The following ZNF654 variants were observed in gnomAD, a reference collection of about 807,000 sequenced individuals.
The protein encoded by ZNF654 is zinc finger protein 654, also known as melanoma-associated antigen.
ZNF654 carries 19 observed loss-of-function variants against 95.3 expected under a neutral mutation model. The ratio of observed to expected loss-of-function variants is 0.20; its 90% CI spans 0.14 to 0.29. The LOEUF (loss-of-function observed/expected upper bound fraction) is 0.29, where lower values mean the gene tolerates loss of function less well. Ranked by LOEUF, ZNF654 falls within the 10% of genes least tolerant of loss-of-function variation. ZNF654 has a pLI of 1.00. For missense variants in ZNF654, 1,046 were observed against 1,341.0 expected (o/e 0.78, Z 3.44); for synonymous variants, 413 against 457.9 (o/e 0.90, Z 1.25).
chr3:88,114,063 C>G (rs2107770787), intron 3 of ZNF654, among the ~76,000 whole-genome samples: 1 of 152,186 alleles, frequency 6.6e-6, no homozygotes, highest in Non-Finnish European at 1.5e-5. Context: ...TATTGAGTCC[C>G]CACAGTGTGC....
chr3:88,111,575 T>A (rs1705091252), intron 2 of ZNF654, among the ~76,000 whole-genome samples: 1 of 152,058 alleles, frequency 6.6e-6, no homozygotes, highest in Non-Finnish European at 1.5e-5. Flanking sequence ...TATGGATATA[T>A]TTAATTTACC....
chr3:88,119,042 C>T (rs1186833603), intron 3 of ZNF654, among the ~76,000 whole-genome samples: 4 of 149,316 alleles, frequency 2.7e-5, no homozygotes, highest in African/African-American at 9.9e-5. Flanking sequence ...TGGGTATATA[C>T]CCAAAGGACT....
Position 88,111,968 on chromosome 3 carries a change from C to T in ZNF654, c.333-1147C>T, listed in dbSNP as rs137905534. On this transcript the variant is annotated intron_variant, in intron 2 of 8. Coordinates refer to ENST00000636215, the MANE Select transcript of ZNF654 (RefSeq NM_001350134.2). ...TTGCATTTACTTTCTGCGAAATATT[C>T]TCTTGCAGTTTTCTACTAGGTTATT... is the stretch of plus-strand genomic sequence containing the variant. Among the ~76,000 whole-genome samples the T allele has an allele frequency of 7.2e-3, 1,091 of 152,000 alleles. 19 individuals carry two copies. Among genetic ancestry groups the T allele is most frequent in the Non-Finnish European group, 5.6e-3 (380 of 67,810 alleles).
At chr3:88,072,581 T>C (rs1184075918) in intron 1 of ZNF654, among the ~76,000 whole-genome samples, 1 of 152,176 alleles carries the variant, frequency 6.6e-6, no homozygotes, top group Non-Finnish European at 1.5e-5. Flanking sequence ...TGCTGTGGGA[T>C]CCTCCACAGA....
chr3:88,119,955 C>T (rs1217347044), intron 3 of ZNF654, among the ~76,000 whole-genome samples: 1 of 151,984 alleles, frequency 6.6e-6, no homozygotes, highest in East Asian at 1.9e-4. Flanking sequence ...GTAGCATGTA[C>T]ATTTATTACT....
At chr3:88,083,484 TTTG>T (rs146182732) in intron 1 of ZNF654, among the ~76,000 whole-genome samples, 2,011 of 152,288 alleles carry the variant, frequency 0.013, 37 homozygotes, top group African/African-American at 0.045. Context: ...TGGCATCAGC[TTTG>T]TCCTCTTCAA....
intron 3 of ZNF654, among the ~76,000 whole-genome samples, chr3:88,116,603 G>A (rs1234370383): frequency 6.7e-6 from 1 of 148,822 alleles, no homozygotes; most frequent in Non-Finnish European, 1.5e-5. Context: ...ATATATGTGT[G>A]TATATATGTT....
At chr3:88,121,061 C>T (rs575433003) in intron 3 of ZNF654, among the ~76,000 whole-genome samples, 6 of 151,906 alleles carry the variant, frequency 3.9e-5, no homozygotes, top group Admixed American at 6.6e-5. Context: ...TGTAACAAAC[C>T]TGTATATTCA....
chr3:88,092,503 G>T (rs772477508), intron 2 of ZNF654, among the ~76,000 whole-genome samples: 7 of 152,146 alleles, frequency 4.6e-5, no homozygotes, highest in Non-Finnish European at 7.4e-5. Context: ...GCTGTACTCT[G>T]AAGGAATGAC....
chr3:88,123,025 AAGT>A (rs1366004220), intron 3 of ZNF654, among the ~76,000 whole-genome samples: 10 of 151,598 alleles, frequency 6.6e-5, no homozygotes, highest in East Asian at 3.9e-4. Context: ...AAAAAAAAAA[AAGT>A]AAAAAGAAAA....
chr3:88,125,731 C>T (rs1576330503), intron 3 of ZNF654, among the ~76,000 whole-genome samples: 2 of 152,172 alleles, frequency 1.3e-5, no homozygotes, highest in South Asian at 2.1e-4. Context: ...AGACACCCCA[C>T]GCCCCCTGCC....
At chr3:88,086,434 A>G in intron 2 of ZNF654, 32 bp downstream of exon 2, 2 of 1,432,088 alleles carry the variant, frequency 1.4e-6, no homozygotes, top group Non-Finnish European at 1.8e-6. Context: ...TAAATGCATT[A>G]TTTTTCTTGA....
At chr3:88,120,950 T>C (rs1446773713) in intron 3 of ZNF654, among the ~76,000 whole-genome samples, 1 of 152,082 alleles carries the variant, frequency 6.6e-6, no homozygotes, top group South Asian at 2.1e-4. Flanking sequence ...TAGAAAATTT[T>C]CTTGTCTGAG....
intron 2 of ZNF654, among the ~76,000 whole-genome samples, chr3:88,108,515 T>C (rs1397963728): frequency 6.6e-6 from 1 of 152,190 alleles, no homozygotes; most frequent in African/African-American, 2.4e-5. Context: ...AATAGAATAT[T>C]CCAGAAATAA....
chr3:88,110,931 A>G (rs1257227705), intron 2 of ZNF654, among the ~76,000 whole-genome samples: 1 of 151,956 alleles, frequency 6.6e-6, no homozygotes, highest in African/African-American at 2.4e-5. Context: ...TTTTAATATC[A>G]TTATCATGGA....
chr3:88,069,460 C>T (rs966577976), intron 1 of ZNF654, among the ~76,000 whole-genome samples: 1 of 152,100 alleles, frequency 6.6e-6, no homozygotes, highest in African/African-American at 2.4e-5. Context: ...TAGTCCACCC[C>T]CCAACCCACT....
intron 1 of ZNF654, among the ~76,000 whole-genome samples, chr3:88,070,372 A>G (rs1280089582): frequency 6.6e-6 from 1 of 152,104 alleles, no homozygotes. Context: ...TTCAGTGTCC[A>G]CGTAATGATT....
chr3:88,083,785 C>A (rs1708199529), intron 1 of ZNF654, among the ~76,000 whole-genome samples: 1 of 152,044 alleles, frequency 6.6e-6, no homozygotes, highest in Non-Finnish European at 1.5e-5. Context: ...ATGTTAATGG[C>A]AACCTACTAG....
chr3:88,089,728 A>G (rs1364005288), intron 2 of ZNF654, among the ~76,000 whole-genome samples: 4 of 152,196 alleles, frequency 2.6e-5, no homozygotes, highest in Non-Finnish European at 5.9e-5. Context: ...TCTGCCTACT[A>G]CAGATCCCAA....
Sources: allele counts gnomAD v4.1 joint callset (sites outside exome capture counted in the v4.1 genomes callset), GRCh38; gene constraint gnomAD v4.1.1; transcripts MANE v1.5; gene names NCBI Gene and HGNC (gene_info 2026-07-23, HGNC 2026-07-21).